The following COL4A3 variants were observed in gnomAD, a reference collection of about 807,000 sequenced individuals.
The protein encoded by COL4A3 is collagen alpha-3(IV) chain.
In COL4A3, 135 loss-of-function variants were observed where a neutral mutation model predicts 217.4. That is an observed-to-expected ratio of 0.62 (90% confidence interval 0.54 to 0.72). COL4A3 has a LOEUF of 0.72. COL4A3 is among the 30% of genes least tolerant of loss of function. The probability of loss-of-function intolerance (pLI) is 0.00; values close to 1 mark genes in which losing one functional copy is unlikely to be tolerated. For missense variants in COL4A3, 1,868 were observed against 2,119.9 expected, an observed-to-expected ratio of 0.88 and a Z score of 2.33; for synonymous variants, 690 against 736.3, an observed-to-expected ratio of 0.94 and a Z score of 1.02.
chr2:227,262,522 T>TG (rs1352982319), intron 20 of COL4A3, among the ~76,000 whole-genome samples: 2 of 152,204 alleles, frequency 1.3e-5, no homozygotes, highest in Non-Finnish European at 2.9e-5. Context: ...TCCATGAGCA[T>TG]GGGATGTCTT....
chr2:227,280,770 T>G lies in COL4A3; in HGVS notation c.2375-123T>G. On this transcript the variant is annotated intron_variant, in intron 30 of 51. Coordinates refer to ENST00000396578, the MANE Select transcript of COL4A3 (RefSeq NM_000091.5). The stretch of plus-strand genomic sequence containing the variant: ...ATGAGTGCCCTCTAGAAAAGGCATA[T>G]TAATGGCAGTAAATATAGATCTGAT... 5.0e-6 allele frequency: 5 copies of G among 1,004,980 alleles called. No individual in the cohort carries two copies. In the South Asian group the frequency reaches 6.8e-5, roughly 14 times the overall value. The allele number at this position is 1,004,980 out of a possible 1,614,324, so 62.3% of individuals were successfully genotyped here. A position where few individuals can be genotyped will look rare whatever the true frequency, so the allele number is the denominator to read the frequency against.
intron 14 of COL4A3, 151 bp from the exon 15 acceptor site, chr2:227,254,505 C>T (rs1437302257): frequency 2.8e-6 from 2 of 713,522 alleles, no homozygotes; most frequent in Non-Finnish European, 4.9e-6. Context: ...TTTTTAATTA[C>T]TATTCATCAA....
intron 34 of COL4A3, among the ~76,000 whole-genome samples, chr2:227,287,842 T>C (rs1326009380): frequency 6.6e-6 from 1 of 152,188 alleles, no homozygotes; most frequent in East Asian, 1.9e-4. Flanking sequence ...CTTGCCTGTC[T>C]CCCCAGTTAA....
chr2:227,284,290 C>G lies in COL4A3; in HGVS notation c.2826C>G (p.Pro942=). The change falls in exon 34 of 52, where the codon CCC becomes CCG. Residue 942 remains proline, a synonymous_variant. Coordinates refer to ENST00000396578, the MANE Select transcript of COL4A3 (RefSeq NM_000091.5). Reference sequence around the variant, plus strand: ...GGGAACAAGGAGATAAAGGAAATCCCGGGCCTTCAGAGATATCCCACGTAA... The same window carrying G: ...GGGAACAAGGAGATAAAGGAAATCCGGGGCCTTCAGAGATATCCCACGTAA... The part of the protein sequence containing the change: ...AKGEQGDKGN[P]GPSEISHVIG... The G allele has an allele frequency of 6.2e-7, 1 of 1,614,048 alleles. No individual in the cohort carries two copies. The highest frequency in any genetic ancestry group is 8.5e-7 in the Non-Finnish European group (1 of 1,180,008).
intron 1 of COL4A3, among the ~76,000 whole-genome samples, chr2:227,214,800 AT>A (rs2067464321): frequency 6.6e-6 from 1 of 152,256 alleles, no homozygotes. Context: ...CCTCCTTGTC[AT>A]TTATTTTGTG....
intron 1 of COL4A3, among the ~76,000 whole-genome samples, chr2:227,169,975 A>G (rs981629007): frequency 1.3e-5 from 2 of 152,118 alleles, no homozygotes; most frequent in Admixed American, 1.3e-4. Flanking sequence ...TATTATTATT[A>G]TTCTTTAAAT....
At chr2:227,270,656 G>A in intron 24 of COL4A3, 114 bp from the exon 25 acceptor site, 2 of 994,106 alleles carry the variant, frequency 2.0e-6, no homozygotes, top group South Asian at 2.9e-5. Flanking sequence ...ACCAAAGAGT[G>A]TGTTGAAAAA....
chr2:227,303,124 G>A lies in COL4A3; in HGVS notation c.3955+14G>A, dbSNP rs751242395. On this transcript the variant is annotated intron_variant, in intron 44 of 51. Coordinates refer to ENST00000396578, the MANE Select transcript of COL4A3 (RefSeq NM_000091.5). ...CAGGCGTGAAAGGTACTGTTTTTGT[G>A]CATTGCTCTTTATATGCAAATACCA... The A allele has an allele frequency of 5.6e-6, 9 of 1,609,620 alleles. No homozygotes were observed. Among genetic ancestry groups the A allele is most frequent in the Middle Eastern group, 1.6e-4 (1 of 6,078 alleles).
chr2:227,299,311 C>G (rs889295462), intron 43 of COL4A3, among the ~76,000 whole-genome samples: 4 of 152,208 alleles, frequency 2.6e-5, no homozygotes, highest in African/African-American at 9.6e-5. Flanking sequence ...AGGAGAATGG[C>G]GTGAACCCGG....
At chr2:227,197,450 T>C (rs2066525898) in intron 1 of COL4A3, among the ~76,000 whole-genome samples, 1 of 152,220 alleles carries the variant, frequency 6.6e-6, no homozygotes, top group African/African-American at 2.4e-5. Flanking sequence ...GTACACTCTA[T>C]GATGTTTGCA....
chr2:227,270,111 A>G, intron 24 of COL4A3, 131 bp downstream of exon 24: 1 of 704,874 alleles, frequency 1.4e-6, no homozygotes, highest in South Asian at 1.5e-5. Context: ...TGTTGATTAA[A>G]TGAATAAATC....
At chr2:227,302,969 A>T (rs1370636559) in intron 43 of COL4A3, 69 bp from the exon 44 acceptor site, 13 of 1,039,258 alleles carry the variant, frequency 1.3e-5, no homozygotes, top group East Asian at 2.4e-5. Flanking sequence ...TTGCATTTTT[A>T]AAAAACTGCT....
intron 28 of COL4A3, 155 bp from the exon 29 acceptor site, chr2:227,279,638 G>T: frequency 3.6e-6 from 2 of 556,360 alleles, no homozygotes; most frequent in East Asian, 3.0e-5. Context: ...ATTTGATTTG[G>T]AACTTTTAAA....
At chr2:227,310,734 C>T (rs903890723) in intron 50 of COL4A3, 42 bp from the exon 51 acceptor site, 3 of 1,571,510 alleles carry the variant, frequency 1.9e-6, no homozygotes, top group Admixed American at 3.3e-5. Flanking sequence ...ATTTGAACCC[C>T]AATGGACAGA....
intron 1 of COL4A3, among the ~76,000 whole-genome samples, chr2:227,234,582 C>T (rs1026534794): frequency 3.3e-5 from 5 of 152,146 alleles, no homozygotes; most frequent in South Asian, 2.1e-4. Flanking sequence ...CACTTGTTTA[C>T]GACATCTTAT....
At chr2:227,202,684 G>T (rs113549073) in intron 1 of COL4A3, among the ~76,000 whole-genome samples, 1 of 145,320 alleles carries the variant, frequency 6.9e-6, no homozygotes, top group Non-Finnish European at 1.5e-5. Context: ...GCAGTGAGCC[G>T]AGATAGCGCC....
intron 40 of COL4A3, 41 bp from the exon 41 acceptor site, chr2:227,295,228 A>T: frequency 6.2e-7 from 1 of 1,603,756 alleles, no homozygotes; most frequent in South Asian, 1.1e-5. Flanking sequence ...TAATGTAATG[A>T]AATTGACCAA....
At chr2:227,228,832 C>T (rs1277269052) in intron 1 of COL4A3, among the ~76,000 whole-genome samples, 2 of 152,024 alleles carry the variant, frequency 1.3e-5, no homozygotes, top group Admixed American at 6.5e-5. Flanking sequence ...TGTGAGACAC[C>T]GTTCCCACCT....
chr2:227,290,803 C>T lies in COL4A3; in HGVS notation c.3127C>T (p.Leu1043Phe). Residue 1043 changes from leucine to phenylalanine, a missense_variant, in exon 37 of 52, where the codon CTC (leucine) becomes TTC (phenylalanine). Leu to Phe is a conservative substitution (Grantham distance 22, BLOSUM62 0). This residue lies in a region of COL4A3 where 1,503 missense variants were observed against 1,786.1 expected (regional missense o/e 0.84). Coordinates refer to ENST00000396578, the MANE Select transcript of COL4A3 (RefSeq NM_000091.5). ...CCCAGGTCGAGCAGGAAGACCAGGC[C>T]TCCCAGGTATTCATGGTCTCCAGGG... ...GFPGRAGRPG[L>F]PGIHGLQGDK... 1 of 1,613,464 alleles carries T rather than the reference C, an allele frequency of 6.2e-7. No homozygotes were observed. The highest frequency in any genetic ancestry group is 8.5e-7 in the Non-Finnish European group (1 of 1,179,802).
Sources: gnomAD v4.1 joint callset for allele counts (sites outside exome capture counted in the v4.1 genomes callset) on GRCh38, gnomAD v4.1.1 for gene constraint, gnomAD v4.1.1 regional missense constraint, MANE v1.5 for transcripts, NCBI Gene and HGNC (gene_info 2026-07-23, HGNC 2026-07-21) for gene names.